MBD5: variants seen among roughly 807,000 people sequenced by gnomAD.
MBD5 encodes the protein methyl-CpG binding domain protein 5, also known as methyl-CpG-binding domain protein 5.
MBD5 carries 13 observed loss-of-function variants against 117.3 expected under a neutral mutation model. The ratio of observed to expected loss-of-function variants is 0.11; its 90% CI spans 0.07 to 0.18. The LOEUF is 0.18. Ranked by LOEUF, MBD5 falls within the 10% of genes least tolerant of loss-of-function variation. The probability of loss-of-function intolerance (pLI) is 1.00; values close to 1 mark genes in which losing one functional copy is unlikely to be tolerated. For synonymous variants in MBD5, 727 were observed against 766.4 expected, an observed-to-expected ratio of 0.95 and a Z score of 0.85; for missense variants, 1,879 against 2,093.8, an observed-to-expected ratio of 0.90 and a Z score of 2.00.
chr2:148,036,804 T>C (rs1694207122), intron 1 of MBD5, among the ~76,000 whole-genome samples: 1 of 152,070 alleles, frequency 6.6e-6, no homozygotes, highest in African/African-American at 2.4e-5. Flanking sequence ...ATTTATAAGG[T>C]GAACAGTATC....
chr2:148,050,401 C>T (rs778024707), intron 1 of MBD5, among the ~76,000 whole-genome samples: 4 of 151,948 alleles, frequency 2.6e-5, no homozygotes, highest in African/African-American at 4.8e-5. Flanking sequence ...TCCACTTTTT[C>T]GTGTTTGCCT....
At chr2:148,228,323 A>C (rs548186428) in intron 2 of MBD5, among the ~76,000 whole-genome samples, 1 of 152,052 alleles carries the variant, frequency 6.6e-6, no homozygotes, top group African/African-American at 2.4e-5. Context: ...AGCATGAAGC[A>C]TTGTTGAATT....
chr2:148,308,236 G>A (rs897482065), intron 3 of MBD5, among the ~76,000 whole-genome samples: 1 of 152,092 alleles, frequency 6.6e-6, no homozygotes, highest in Non-Finnish European at 1.5e-5. Context: ...CACAATGGTT[G>A]AATTAATTTA....
At chr2:148,061,862 CTCTTTAAAA>C (rs1337530428) in intron 1 of MBD5, among the ~76,000 whole-genome samples, 1 of 151,374 alleles carries the variant, frequency 6.6e-6, no homozygotes, top group Admixed American at 6.6e-5. Flanking sequence ...AGATTTTCTC[CTCTTTAAAA>C]TCTTTAATTT....
chr2:148,226,270 C>A (rs1051314526), intron 2 of MBD5, among the ~76,000 whole-genome samples: 2 of 152,060 alleles, frequency 1.3e-5, no homozygotes, highest in African/African-American at 4.8e-5. Flanking sequence ...CCTCTCTCCC[C>A]ACCCACAACA....
chr2:148,376,702 A>G (rs1278895801), intron 4 of MBD5, among the ~76,000 whole-genome samples: 2 of 143,852 alleles, frequency 1.4e-5, no homozygotes, highest in Non-Finnish European at 3.0e-5. Flanking sequence ...CTGATAGGAT[A>G]TATATATCCT....
chr2:148,388,015 A>C (rs1407977514), intron 4 of MBD5, among the ~76,000 whole-genome samples: 1 of 152,216 alleles, frequency 6.6e-6, no homozygotes, highest in African/African-American at 2.4e-5. Flanking sequence ...AGAGCATGGA[A>C]TAGCCAAGAG....
intron 12 of MBD5, chr2:148,503,109 C>G (rs1681921255): frequency 6.3e-6 from 1 of 159,362 alleles, no homozygotes; most frequent in African/African-American, 2.4e-5. Context: ...ATAGTTTTTA[C>G]TGTGATACAA....
intron 4 of MBD5, among the ~76,000 whole-genome samples, chr2:148,385,375 G>T (rs899802328): frequency 8.5e-5 from 13 of 152,138 alleles, no homozygotes; most frequent in Non-Finnish European, 1.3e-4. Context: ...ATCATCACTG[G>T]CCATCAGAGA....
At chr2:148,209,327 T>A (rs540940119) in intron 2 of MBD5, among the ~76,000 whole-genome samples, 56 of 152,092 alleles carry the variant, frequency 3.7e-4, no homozygotes, top group Non-Finnish European at 1.6e-4. Flanking sequence ...GCCAATTAGA[T>A]CATGAGGGCA....
chr2:148,439,112 A>G (rs1009411541), intron 4 of MBD5, among the ~76,000 whole-genome samples: 1 of 152,172 alleles, frequency 6.6e-6, no homozygotes, highest in African/African-American at 2.4e-5. Context: ...ACATGATCCA[A>G]CTATCTGACG....
At chr2:148,201,219 G>A (rs1052970876) in intron 2 of MBD5, among the ~76,000 whole-genome samples, 6 of 152,126 alleles carry the variant, frequency 3.9e-5, no homozygotes, top group Non-Finnish European at 7.3e-5. Flanking sequence ...GGAGATGTGT[G>A]TGCCAGTGAA....
At chr2:148,507,620 G>A (rs1574503580) in intron 12 of MBD5, among the ~76,000 whole-genome samples, 1 of 152,098 alleles carries the variant, frequency 6.6e-6, no homozygotes, top group Non-Finnish European at 1.5e-5. Context: ...TTAGCCGGGC[G>A]CGGTGGCGGG....
chr2:148,501,298 T>C (rs1470600483), intron 11 of MBD5, among the ~76,000 whole-genome samples: 1 of 152,186 alleles, frequency 6.6e-6, no homozygotes, highest in East Asian at 1.9e-4. Flanking sequence ...TGATAATCAT[T>C]TCCTTGCTTA....
At chr2:148,508,401 G>A (rs542478929) in intron 12 of MBD5, among the ~76,000 whole-genome samples, 1 of 152,152 alleles carries the variant, frequency 6.6e-6, no homozygotes, top group South Asian at 2.1e-4. Context: ...CCTTTTGTGT[G>A]TGTGTTTAAA....
intron 4 of MBD5, among the ~76,000 whole-genome samples, chr2:148,382,599 G>C (rs1182355211): frequency 6.6e-6 from 1 of 152,114 alleles, no homozygotes; most frequent in Non-Finnish European, 1.5e-5. Context: ...TCTGCACCAA[G>C]TGGACCTAAT....
At chr2:148,266,402 T>C (rs915019571) in intron 3 of MBD5, among the ~76,000 whole-genome samples, 3 of 151,940 alleles carry the variant, frequency 2.0e-5, no homozygotes, top group African/African-American at 7.2e-5. Context: ...CTTAATATGA[T>C]AAAAAGCATT....
At chr2:148,305,044 G>T (rs186801551) in intron 3 of MBD5, among the ~76,000 whole-genome samples, 24 of 150,312 alleles carry the variant, frequency 1.6e-4, no homozygotes, top group African/African-American at 4.7e-4. Flanking sequence ...CAGCCTGGGC[G>T]ACAGAGCGAG....
At chr2:148,477,529 A>G (rs150277980) in intron 8 of MBD5, among the ~76,000 whole-genome samples, 41 of 152,252 alleles carry the variant, frequency 2.7e-4, no homozygotes, top group African/African-American at 8.9e-4. Context: ...CTCTTACTAA[A>G]ACTTGAGAAA....
Sources: allele counts gnomAD v4.1 joint callset (sites outside exome capture counted in the v4.1 genomes callset), GRCh38; gene constraint gnomAD v4.1.1; transcripts MANE v1.5; gene names NCBI Gene and HGNC (gene_info 2026-07-23, HGNC 2026-07-21).